Variants in MYO1E observed in about 807,000 individuals in gnomAD.
MYO1E encodes the protein unconventional myosin-Ie.
Under a neutral mutation model 151.1 loss-of-function variants are expected in MYO1E, and 68 were observed. The ratio of observed to expected loss-of-function variants is 0.45; its 90% confidence interval spans 0.37 to 0.55. MYO1E has a LOEUF of 0.55. Ranked by LOEUF, MYO1E falls within the 20% of genes least tolerant of loss-of-function variation. MYO1E has a pLI of 0.00. For missense variants in MYO1E, 1,363 were observed against 1,389.3 expected (o/e 0.98, Z 0.30); for synonymous variants, 601 against 501.7 (o/e 1.20, Z -2.64).
chr15:59,323,378 G>C (rs2080640692), intron 1 of MYO1E, among the ~76,000 whole-genome samples: 1 of 152,014 alleles, frequency 6.6e-6, no homozygotes. Context: ...TATGGGCCAG[G>C]CACAGTGGCT....
chr15:59,303,964 T>C (rs1251591844), intron 1 of MYO1E, among the ~76,000 whole-genome samples: 4 of 151,804 alleles, frequency 2.6e-5, no homozygotes, highest in African/African-American at 7.2e-5. Context: ...GCGTCTCTAT[T>C]TTCATTTTCT....
chr15:59,321,444 A>G (rs2080625328), intron 1 of MYO1E, among the ~76,000 whole-genome samples: 1 of 152,270 alleles, frequency 6.6e-6, no homozygotes, highest in Non-Finnish European at 1.5e-5. Flanking sequence ...GTGCCCATCA[A>G]CAGTGAATTG....
intron 25 of MYO1E, among the ~76,000 whole-genome samples, chr15:59,156,058 T>A (rs199703015): frequency 6.6e-6 from 1 of 152,228 alleles, no homozygotes; most frequent in South Asian, 2.1e-4. Flanking sequence ...GGTCTCACTC[T>A]GTTACTCAGG....
intron 1 of MYO1E, among the ~76,000 whole-genome samples, chr15:59,342,524 G>T (rs1374951330): frequency 1.3e-5 from 2 of 152,166 alleles, no homozygotes; most frequent in Non-Finnish European, 2.9e-5. Flanking sequence ...GAAGTGTGTT[G>T]CTTGTAGGCA....
chr15:59,300,403 T>C (rs2080475212), intron 1 of MYO1E, among the ~76,000 whole-genome samples: 2 of 152,076 alleles, frequency 1.3e-5, no homozygotes, highest in Admixed American at 1.3e-4. Flanking sequence ...CCCATTCCCA[T>C]TTCTGAGTCT....
chr15:59,278,134 G>A (rs191561736), intron 1 of MYO1E, among the ~76,000 whole-genome samples: 125 of 152,316 alleles, frequency 8.2e-4, no homozygotes, highest in Middle Eastern at 3.4e-3. Context: ...GCTAAGTCCA[G>A]GTTTGAAAGG....
At chr15:59,185,127 A>T (rs1308759024) in intron 18 of MYO1E, among the ~76,000 whole-genome samples, 1 of 151,396 alleles carries the variant, frequency 6.6e-6, no homozygotes, top group Non-Finnish European at 1.5e-5. Context: ...CATTTTTTTG[A>T]TTGGATTATT....
At position 59,227,157 on chromosome 15, in the gene MYO1E, C is replaced by T. The variant is rs185316454; in HGVS notation, c.642+302G>A. On this transcript the variant is annotated intron_variant, in intron 7 of 27. Transcript: ENST00000288235. The stretch of plus-strand genomic sequence containing the variant: ...CCTCCTTCACACCTCTCCTACTATC[C>T]GGCCAAACCTGCCCACCTGAATTCC... Among the ~76,000 whole-genome samples, 248 of 152,306 alleles carry T rather than the reference C, an allele frequency of 1.6e-3. 1 individual carries two copies. The highest frequency in any genetic ancestry group is 5.6e-3 in the African/African-American group (231 of 41,558).
At chr15:59,309,216 C>T (rs1005913389) in intron 1 of MYO1E, among the ~76,000 whole-genome samples, 4 of 152,118 alleles carry the variant, frequency 2.6e-5, no homozygotes, top group African/African-American at 7.2e-5. Flanking sequence ...GCTCTGAGCC[C>T]GGCACCTTAC....
intron 13 of MYO1E, among the ~76,000 whole-genome samples, chr15:59,210,272 G>C (rs919431470): frequency 1.3e-5 from 2 of 152,062 alleles, no homozygotes; most frequent in South Asian, 4.2e-4. Flanking sequence ...TCTTCTCTTA[G>C]AATTCAATAA....
chr15:59,316,634 T>C (rs2080590772), intron 1 of MYO1E, among the ~76,000 whole-genome samples: 1 of 152,238 alleles, frequency 6.6e-6, no homozygotes, highest in African/African-American at 2.4e-5. Flanking sequence ...GGAAGTCTGA[T>C]CACTTCTTGC....
chr15:59,231,710 T>C lies in MYO1E; in HGVS notation c.502A>G (p.Ser168Gly). 1.2e-6 allele frequency: 2 copies of C among 1,614,088 alleles called. No individual in the cohort carries two copies. The highest frequency in any genetic ancestry group is 1.7e-6 in the Non-Finnish European group (2 of 1,179,948). Residue 168 changes from serine to glycine, a missense_variant, in exon 6 of 28, where the codon AGC (serine) becomes GGC (glycine). Coordinates refer to ENST00000288235, the MANE Select transcript of MYO1E (RefSeq NM_004998.4). Reference protein sequence around the residue: ...NAKTVRNNNSSRFGKYFEIQF... With the variant: ...NAKTVRNNNSGRFGKYFEIQF... ...ACAGGGAAGGGACTTACAAATCGGC[T>C]GGAGTTGTTGTTCCGGACGGTCTTG...
intron 10 of MYO1E, among the ~76,000 whole-genome samples, chr15:59,216,594 G>GTGTATCTATC (rs1491301947): frequency 1.0e-5 from 1 of 100,468 alleles, no homozygotes; most frequent in Non-Finnish European, 2.1e-5. Flanking sequence ...GTGTGTGTGT[G>GTGTATCTATC]TATCTATCTA....
intron 1 of MYO1E, among the ~76,000 whole-genome samples, chr15:59,326,471 C>A (rs1237341845): frequency 6.6e-6 from 1 of 152,086 alleles, no homozygotes; most frequent in Admixed American, 6.5e-5. Context: ...TGCAGTGAGC[C>A]GAGACTGCGC....
chr15:59,163,558 A>G (rs1249180106), intron 22 of MYO1E, among the ~76,000 whole-genome samples: 2 of 152,214 alleles, frequency 1.3e-5, no homozygotes, highest in Non-Finnish European at 2.9e-5. Flanking sequence ...GATTTTTACA[A>G]TCAGGAACTT....
intron 9 of MYO1E, chr15:59,218,385 G>C: frequency 1.9e-6 from 1 of 513,554 alleles, no homozygotes; most frequent in Non-Finnish European, 3.7e-6. Flanking sequence ...CTCCTACTGA[G>C]ATCACAGTCA....
chr15:59,174,252 G>A lies in MYO1E; in HGVS notation c.2050-12C>T. 2.5e-6 allele frequency: 4 copies of A among 1,587,728 alleles called. No homozygotes were observed. Among genetic ancestry groups the A allele is most frequent in the South Asian group, 1.1e-5 (1 of 90,576 alleles). On this transcript the variant is annotated splice_polypyrimidine_tract_variant and intron_variant, in intron 19 of 27. Coordinates refer to ENST00000288235, the MANE Select transcript of MYO1E (RefSeq NM_004998.4). ...TCTAAAAGAAATAGCTGTGAATGGA[G>A]AGAAGACAAATGTGAGCCAAGCCCC... is the stretch of plus-strand genomic sequence containing the variant.
intron 4 of MYO1E, among the ~76,000 whole-genome samples, chr15:59,240,496 A>T (rs1286743730): frequency 1.3e-5 from 2 of 152,214 alleles, no homozygotes; most frequent in Non-Finnish European, 2.9e-5. Context: ...TAATCCAAGG[A>T]CCATAATTAT....
Position 59,264,265 on chromosome 15 carries a change from C to T in MYO1E, c.148-2756G>A, listed in dbSNP as rs555395091. 2.0e-5 allele frequency among the ~76,000 whole-genome samples: 3 copies of T among 152,256 alleles called. No individual in the cohort carries two copies. The South Asian group carries it at 6.2e-4, about 32-fold the overall frequency. On this transcript the variant is annotated intron_variant, in intron 2 of 27. Transcript: ENST00000288235. ...CTCAGCCTGTACAGGGAAACTGAGG[C>T]ACGGAGAAATTTTTAAAAGTTGCTT...
Sources: gnomAD v4.1 joint callset for allele counts (sites outside exome capture counted in the v4.1 genomes callset) on GRCh38, gnomAD v4.1.1 for gene constraint, MANE v1.5 for transcripts, NCBI Gene and HGNC (gene_info 2026-07-23, HGNC 2026-07-21) for gene names.